The following PDE6C variants were observed in gnomAD, a reference collection of about 807,000 sequenced individuals.
PDE6C encodes phosphodiesterase 6C.
PDE6C carries 75 observed loss-of-function variants against 113.1 expected under a neutral mutation model. That is an observed-to-expected ratio of 0.66 (90% CI 0.55 to 0.80). The LOEUF (loss-of-function observed/expected upper bound fraction) is 0.80, where lower values mean the gene tolerates loss of function less well. PDE6C is among the 30% of genes least tolerant of loss of function. PDE6C has a pLI of 0.00. For synonymous variants in PDE6C, 375 were observed against 363.7 expected, an observed-to-expected ratio of 1.03 and a Z score of -0.35; for missense variants, 912 against 1,038.6, an observed-to-expected ratio of 0.88 and a Z score of 1.67.
chr10:93,646,020 G>C lies in PDE6C; in HGVS notation c.1908G>C (p.Glu636Asp). ...CTATTTTGGAGAGGCACCACCTGGAGTACAGTAAGACTCTGTTGCAGGATG... is the reference window on the plus strand; with the variant it reads ...CTATTTTGGAGAGGCACCACCTGGACTACAGTAAGACTCTGTTGCAGGATG... The part of the protein sequence containing the change: ...GSSILERHHL[E>D]YSKTLLQDES... Residue 636 changes from glutamate to aspartate, a missense_variant, in exon 15 of 22, where the codon GAG (glutamate) becomes GAC (aspartate). Physicochemically the swap from Glu to Asp is conservative, Grantham distance 45. Coordinates refer to ENST00000371447, the MANE Select transcript of PDE6C (RefSeq NM_006204.4). The C allele has an allele frequency of 6.2e-7, 1 of 1,602,952 alleles. No individual in the cohort carries two copies. The highest frequency in any genetic ancestry group is 8.5e-7 in the Non-Finnish European group (1 of 1,169,914).
intron 16 of PDE6C, 25 bp from the exon 17 acceptor site, chr10:93,658,876 T>C (rs1225654787): frequency 7.5e-7 from 1 of 1,328,794 alleles, no homozygotes; most frequent in Non-Finnish European, 1.1e-6. Context: ...GCTAAAATTG[T>C]TGCTCACAGC....
intron 8 of PDE6C, among the ~76,000 whole-genome samples, chr10:93,631,290 C>T (rs943641312): frequency 1.3e-5 from 2 of 152,342 alleles, no homozygotes; most frequent in African/African-American, 4.8e-5. Flanking sequence ...GGAAGTGTAG[C>T]CGTGCAATGG....
At position 93,665,902 on chromosome 10, in the gene PDE6C, G is replaced by A. The variant is rs1311635972; in HGVS notation, c.*484G>A. The A allele has an allele frequency of 4.5e-6, 1 of 220,390 alleles. No individual in the cohort carries two copies. The highest frequency in any genetic ancestry group is 9.0e-6 in the Non-Finnish European group (1 of 111,658). 13.7% of individuals were successfully genotyped at this position (220,390 alleles called of 1,614,324 possible). On this transcript the variant is annotated 3_prime_UTR_variant, in exon 22 of 22. Coordinates refer to ENST00000371447, the MANE Select transcript of PDE6C (RefSeq NM_006204.4). ...TGTCTTCACATGGTCTTCCCTCTGT[G>A]TGTCTGTGTCCTAATCTCCTTTTCT...
At chr10:93,651,676 A>G (rs2058610192) in intron 15 of PDE6C, among the ~76,000 whole-genome samples, 1 of 152,166 alleles carries the variant, frequency 6.6e-6, no homozygotes, top group Non-Finnish European at 1.5e-5. Context: ...GAAGTTGGTA[A>G]AGCTCACACT....
chr10:93,640,186 T>C lies in PDE6C; in HGVS notation c.1599T>C (p.Asn533=). ...KCGIRLFFEI[N]VVEKFKVPVE... Reference sequence around the variant, plus strand: ...GAATACGACTGTTTTTTGAAATAAATGTGGTGGAGAAATTCAAAGTACCTG... The same window carrying C: ...GAATACGACTGTTTTTTGAAATAAACGTGGTGGAGAAATTCAAAGTACCTG... Residue 533 remains asparagine (N), a synonymous_variant, in exon 12 of 22, where the codon AAT becomes AAC. Coordinates refer to ENST00000371447, the MANE Select transcript of PDE6C (RefSeq NM_006204.4). 2.5e-6 allele frequency: 4 copies of C among 1,613,532 alleles called. No homozygotes were observed. Among genetic ancestry groups the C allele is most frequent in the Non-Finnish European group, 3.4e-6 (4 of 1,179,458 alleles).
At position 93,626,696 on chromosome 10, in the gene PDE6C, A is replaced by G; in HGVS notation, c.996A>G (p.Lys332=). The G allele has an allele frequency of 6.2e-7, 1 of 1,606,754 alleles. No individual in the cohort carries two copies. Among genetic ancestry groups the G allele is most frequent in the Non-Finnish European group, 8.5e-7 (1 of 1,173,258 alleles). ...TTTTACATGGAAAAGAAGAGATCAAAGTGATTCCGTGAGTATTGGCAGGAA... is the reference window on the plus strand; with the variant it reads ...TTTTACATGGAAAAGAAGAGATCAAGGTGATTCCGTGAGTATTGGCAGGAA... ...DYILHGKEEI[K]VIPTPPADHW... The change falls in exon 6 of 22, where the codon AAA becomes AAG. Residue 332 remains lysine (K), a synonymous_variant. Coordinates refer to ENST00000371447, the MANE Select transcript of PDE6C (RefSeq NM_006204.4).
chr10:93,613,344 C>T, intron 1 of PDE6C, 139 bp downstream of exon 1: 1 of 1,238,142 alleles, frequency 8.1e-7, no homozygotes, highest in South Asian at 1.3e-5. Context: ...GAGGATCACC[C>T]AGGCCTAGTG....
intron 10 of PDE6C, among the ~76,000 whole-genome samples, chr10:93,636,534 A>G (rs2058532311): frequency 6.6e-6 from 1 of 151,774 alleles, no homozygotes; most frequent in African/African-American, 2.4e-5. Context: ...AATAAAAGGA[A>G]CTGTGATAAG....
chr10:93,657,665 C>T (rs1443321610), intron 16 of PDE6C, among the ~76,000 whole-genome samples: 1 of 152,070 alleles, frequency 6.6e-6, no homozygotes, highest in Non-Finnish European at 1.5e-5. Flanking sequence ...AATTAATTTA[C>T]CCAGTCTTCT....
rs759812635 is a variant in PDE6C at position 93,663,102 on chromosome 10, A to G, written c.2442A>G (p.Ser814=). The G allele has an allele frequency of 1.9e-6, 3 of 1,613,572 alleles. No individual in the cohort carries two copies. The Admixed American group carries it at 5.0e-5, about 27-fold the overall frequency. Residue 814 remains serine, a synonymous_variant, in exon 21 of 22, where the codon TCA becomes TCG. Transcript: ENST00000371447. ...GLQNNRVEWK[S]LADEYDAKMK... is the part of the protein sequence containing the mutation. ...AGAATAACAGAGTAGAATGGAAATC[A>G]CTAGCTGATGAGTATGATGCAAAGA...
chr10:93,641,895 A>G (rs1397272484), intron 14 of PDE6C, among the ~76,000 whole-genome samples: 1 of 152,218 alleles, frequency 6.6e-6, no homozygotes, highest in African/African-American at 2.4e-5. Context: ...CTCTGGGCTC[A>G]GGCAGATTTG....
chr10:93,612,796 T>C lies in PDE6C; in HGVS notation c.71T>C (p.Phe24Ser). The change falls in exon 1 of 22, where the codon TTT (phenylalanine) becomes TCT (serine). Residue 24 changes from phenylalanine to serine, a missense_variant. Transcript: ENST00000371447. ...EENPQFAKEY[F>S]DRKLRVEVLG... ...AACCCTCAGTTTGCCAAGGAGTACTTTGACAGGAAGTTGCGGGTGGAGGTG... is the reference window on the plus strand; with the variant it reads ...AACCCTCAGTTTGCCAAGGAGTACTCTGACAGGAAGTTGCGGGTGGAGGTG... The C allele has an allele frequency of 6.2e-7, 1 of 1,614,150 alleles. No individual in the cohort carries two copies. Among genetic ancestry groups the C allele is most frequent in the Non-Finnish European group, 8.5e-7 (1 of 1,180,028 alleles).
In PDE6C at chr10:93,620,922, T is replaced by C. The variant is rs2058442730; in HGVS notation, c.665T>C (p.Ile222Thr). ...VFSKYLNFVSIILRLHHTSYM... is the reference protein window; with the variant it reads ...VFSKYLNFVSTILRLHHTSYM... ...TCCAAATACCTCAACTTTGTGTCTA[T>C]CATCCTAAGGCTTCATCACACCAGC... The change falls in exon 3 of 22, where the codon ATC becomes ACC. Residue 222 changes from isoleucine (I) to threonine (T), a missense_variant. Physicochemically the swap from Ile to Thr is moderately conservative, Grantham distance 89. Transcript: ENST00000371447. 1 of 1,614,130 alleles carries C rather than the reference T, an allele frequency of 6.2e-7. No homozygotes were observed. The highest frequency in any genetic ancestry group is 8.5e-7 in the Non-Finnish European group (1 of 1,179,988).
At chr10:93,662,491 A>T in intron 19 of PDE6C, 69 bp from the exon 20 acceptor site, 1 of 651,930 alleles carries the variant, frequency 1.5e-6, no homozygotes, top group Non-Finnish European at 2.8e-6. Context: ...AAAAGTTATC[A>T]GGACAAATCA....
At position 93,626,661 on chromosome 10, in the gene PDE6C, ATT is replaced by A; in HGVS notation, c.962_963del (p.Ile321ArgfsTer25). 1 of 1,585,610 alleles carries A rather than the reference ATT, an allele frequency of 6.3e-7. No individual in the cohort carries two copies. Among genetic ancestry groups the A allele is most frequent in the Non-Finnish European group, 8.7e-7 (1 of 1,154,206 alleles). On this transcript the variant is annotated frameshift_variant, in exon 6 of 22. Coordinates refer to ENST00000371447, the MANE Select transcript of PDE6C (RefSeq NM_006204.4). LOFTEE classifies it high-confidence loss of function. ...TTAGGAAGTCAACTTTTATAAAATC[ATT>A]GATTACATTTTACATGGAAAAGAAG... ...DGREVNFYKI[I>X]DYILHGKEEI... is the part of the protein sequence containing the mutation.
At chr10:93,663,312 A>G in intron 21 of PDE6C, 134 bp downstream of exon 21, 3 of 874,142 alleles carry the variant, frequency 3.4e-6, no homozygotes, top group Non-Finnish European at 5.6e-6. Context: ...TCATTTTAAC[A>G]GGCCGATTAG....
At chr10:93,640,643 G>T in intron 13 of PDE6C, 86 bp downstream of exon 13, 1 of 999,050 alleles carries the variant, frequency 1.0e-6, no homozygotes, top group South Asian at 1.3e-5. Flanking sequence ...CATCATTTTA[G>T]ATCAGTAATT....
intron 7 of PDE6C, among the ~76,000 whole-genome samples, chr10:93,627,600 C>A (rs2058480285): frequency 6.6e-6 from 1 of 152,068 alleles, no homozygotes; most frequent in South Asian, 2.1e-4. Flanking sequence ...GCTTGGGCCT[C>A]TAAGGTCTTG....
chr10:93,625,691 T>A, intron 5 of PDE6C, 42 bp downstream of exon 5: 3 of 1,411,876 alleles, frequency 2.1e-6, no homozygotes, highest in South Asian at 2.3e-5. Flanking sequence ...GTGCATGGTG[T>A]CAGGTGCTAA....
Sources: allele counts gnomAD v4.1 joint callset (sites outside exome capture counted in the v4.1 genomes callset), GRCh38; gene constraint gnomAD v4.1.1; transcripts MANE v1.5; gene names NCBI Gene and HGNC (gene_info 2026-07-23, HGNC 2026-07-21).